CDH13: variants seen among roughly 807,000 people sequenced by gnomAD.
The protein encoded by CDH13 is cadherin-13.
In CDH13, 24 loss-of-function variants were observed where a neutral mutation model predicts 63.8. The ratio of observed to expected loss-of-function variants is 0.38; its 90% CI spans 0.27 to 0.53. CDH13 has a LOEUF of 0.53. Among genes scored for constraint, CDH13 ranks in the 20% least tolerant of loss-of-function variants. The pLI is 0.85. For synonymous variants in CDH13, 503 were observed against 355.3 expected, an observed-to-expected ratio of 1.42 and a Z score of -4.67; for missense variants, 1,049 against 903.1, an observed-to-expected ratio of 1.16 and a Z score of -2.07.
chr16:82,887,621 G>C (rs2040937174), intron 2 of CDH13, among the ~76,000 whole-genome samples: 1 of 152,208 alleles, frequency 6.6e-6, no homozygotes, highest in African/African-American at 2.4e-5. Context: ...AGGAGTTCGA[G>C]ACGAGTCTGG....
At chr16:82,890,116 A>G (rs2041026806) in intron 2 of CDH13, among the ~76,000 whole-genome samples, 1 of 152,252 alleles carries the variant, frequency 6.6e-6, no homozygotes, top group Non-Finnish European at 1.5e-5. Flanking sequence ...GTGATTCTAG[A>G]GACACCAATC....
chr16:83,172,226 C>T (rs966453679), intron 4 of CDH13, among the ~76,000 whole-genome samples: 2 of 152,148 alleles, frequency 1.3e-5, no homozygotes, highest in Non-Finnish European at 2.9e-5. Context: ...TACGGTGGCT[C>T]ATGCCTGTAA....
intron 2 of CDH13, among the ~76,000 whole-genome samples, chr16:82,863,597 A>C (rs2040021616): frequency 1.3e-5 from 2 of 152,214 alleles, no homozygotes; most frequent in South Asian, 4.1e-4. Flanking sequence ...CTAATGCCTC[A>C]ACTGATGGGA....
intron 1 of CDH13, among the ~76,000 whole-genome samples, chr16:82,773,038 T>C (rs922570891): frequency 6.6e-6 from 1 of 152,146 alleles, no homozygotes; most frequent in African/African-American, 2.4e-5. Context: ...GGCCTCCTGG[T>C]GTGGAAAGGA....
chr16:82,696,400 G>C (rs970126190), intron 1 of CDH13, among the ~76,000 whole-genome samples: 31 of 152,124 alleles, frequency 2.0e-4, no homozygotes, highest in African/African-American at 7.5e-4. Flanking sequence ...GTATTCAAAA[G>C]TAAAACTCAA....
intron 1 of CDH13, among the ~76,000 whole-genome samples, chr16:82,786,437 T>A (rs1321545907): frequency 4.4e-4 from 1 of 2,266 alleles, no homozygotes; most frequent in Non-Finnish European, 3.5e-3. Flanking sequence ...AGAAAACAGT[T>A]TTTTTTTTTT....
intron 4 of CDH13, among the ~76,000 whole-genome samples, chr16:83,132,453 C>CTT (rs566939460): frequency 1.3e-4 from 12 of 92,962 alleles, no homozygotes; most frequent in Admixed American, 3.7e-4. Context: ...ACACCCCCCC[C>CTT]TTTTTTTTTT....
At chr16:82,757,510 C>G (rs548692338) in intron 1 of CDH13, among the ~76,000 whole-genome samples, 1 of 152,222 alleles carries the variant, frequency 6.6e-6, no homozygotes. Context: ...GAGATAGCTG[C>G]TCTGCCCAGA....
chr16:83,463,449 T>A (rs2073230624), intron 6 of CDH13, among the ~76,000 whole-genome samples: 1 of 152,076 alleles, frequency 6.6e-6, no homozygotes, highest in African/African-American at 2.4e-5. Context: ...GCGGCAGTGG[T>A]TGTGCAGAGG....
At chr16:83,250,705 C>A (rs1003892053) in intron 5 of CDH13, among the ~76,000 whole-genome samples, 1 of 152,120 alleles carries the variant, frequency 6.6e-6, no homozygotes, top group African/African-American at 2.4e-5. Flanking sequence ...AAGAGGAAAG[C>A]AGGACCCAGA....
intron 4 of CDH13, among the ~76,000 whole-genome samples, chr16:83,139,769 C>T (rs564193364): frequency 7.9e-5 from 12 of 152,138 alleles, no homozygotes; most frequent in Middle Eastern, 3.4e-3. Flanking sequence ...TTTGGGAGGC[C>T]GACCGGGTGG....
chr16:83,080,718 C>A (rs1472624517), intron 3 of CDH13, among the ~76,000 whole-genome samples: 1 of 151,982 alleles, frequency 6.6e-6, no homozygotes, highest in Non-Finnish European at 1.5e-5. Flanking sequence ...TCCCTCAGAA[C>A]ATAGAGGCGG....
intron 1 of CDH13, among the ~76,000 whole-genome samples, chr16:82,738,224 A>T (rs961500722): frequency 6.6e-6 from 1 of 152,128 alleles, no homozygotes; most frequent in African/African-American, 2.4e-5. Flanking sequence ...AAATAGCAAT[A>T]AAAAAAATCA....
At chr16:83,506,246 G>A (rs965229218) in intron 7 of CDH13, among the ~76,000 whole-genome samples, 1 of 152,184 alleles carries the variant, frequency 6.6e-6, no homozygotes. Flanking sequence ...AAGCTCCTCT[G>A]TATCCTCTCA....
intron 8 of CDH13, among the ~76,000 whole-genome samples, chr16:83,626,546 G>A (rs1910323306): frequency 1.3e-5 from 2 of 152,148 alleles, no homozygotes; most frequent in Non-Finnish European, 2.9e-5. Context: ...TCCAAACCTG[G>A]ACTGGGTGGG....
intron 6 of CDH13, among the ~76,000 whole-genome samples, chr16:83,375,901 C>T (rs553727815): frequency 2.0e-5 from 3 of 152,124 alleles, no homozygotes; most frequent in Admixed American, 1.3e-4. Flanking sequence ...GGCCATGATA[C>T]AGGTGTTGGA....
chr16:83,324,252 G>A (rs749154792), intron 5 of CDH13, among the ~76,000 whole-genome samples: 4 of 152,042 alleles, frequency 2.6e-5, no homozygotes, highest in Non-Finnish European at 5.9e-5. Flanking sequence ...GGTCAGGCTG[G>A]TCTTGAACTC....
intron 7 of CDH13, among the ~76,000 whole-genome samples, chr16:83,561,977 G>A (rs978453659): frequency 6.6e-6 from 1 of 152,162 alleles, no homozygotes. Flanking sequence ...CCAGTGGAGC[G>A]ATAGTGCCGC....
At chr16:82,905,871 G>A (rs539115616) in intron 2 of CDH13, among the ~76,000 whole-genome samples, 1 of 152,260 alleles carries the variant, frequency 6.6e-6, no homozygotes, top group Non-Finnish European at 1.5e-5. Context: ...CATGGCTACT[G>A]GCTACAGCAT....
Sources: gnomAD v4.1 joint callset for allele counts (sites outside exome capture counted in the v4.1 genomes callset) on GRCh38, gnomAD v4.1.1 for gene constraint, MANE v1.5 for transcripts, NCBI Gene and HGNC (gene_info 2026-07-23, HGNC 2026-07-21) for gene names.